Variants in FANCI observed in about 807,000 individuals in gnomAD.
FANCI encodes Fanconi anemia group I protein.
FANCI carries 156 observed loss-of-function variants against 176.1 expected under a neutral mutation model. The ratio of observed to expected loss-of-function variants is 0.89; its 90% CI spans 0.78 to 1.01. The LOEUF is 1.01. Ranked by LOEUF, FANCI falls within the 50% of genes least tolerant of loss-of-function variation. The pLI, the probability that FANCI is intolerant of heterozygous loss-of-function variation, is 0.00. For missense variants in FANCI, 1,678 were observed against 1,534.1 expected (o/e 1.09, Z -1.57); for synonymous variants, 613 against 541.7 (o/e 1.13, Z -1.83).
At chr15:89,294,787 A>T in intron 23 of FANCI, 128 bp from the exon 24 acceptor site, 1 of 895,834 alleles carries the variant, frequency 1.1e-6, no homozygotes, top group Non-Finnish European at 1.7e-6. Context: ...AGAGTCTGCC[A>T]GTCGGAACTT....
chr15:89,281,272 C>T lies in FANCI; in HGVS notation c.1484C>T (p.Thr495Ile). 2 of 1,613,870 alleles carry T rather than the reference C, an allele frequency of 1.2e-6. No homozygotes were observed. Among genetic ancestry groups the T allele is most frequent in the Non-Finnish European group, 1.7e-6 (2 of 1,179,832 alleles). ...TATTTGTCCTTTCTGCCCCTTCAGACTGTACAAAGGCTGCTTAAGGCAGTG... is the reference window on the plus strand; with the variant it reads ...TATTTGTCCTTTCTGCCCCTTCAGATTGTACAAAGGCTGCTTAAGGCAGTG... ...FDYLSFLPLQ[T>I]VQRLLKAVQP... Residue 495 changes from threonine to isoleucine, a missense_variant, in exon 15 of 38, where the codon ACT (threonine) becomes ATT (isoleucine). This residue lies in a region of FANCI where 1,204 missense variants were observed against 1,077.4 expected (regional missense o/e 1.12). Transcript: ENST00000310775.
intron 37 of FANCI, 177 bp from the exon 38 acceptor site, chr15:89,316,220 T>C (rs1330471442): frequency 1.9e-5 from 13 of 673,148 alleles, no homozygotes; most frequent in Admixed American, 1.5e-4. Flanking sequence ...CTCTACACTT[T>C]GGAGGACTCC....
chr15:89,300,056 C>G (rs1229245779), intron 25 of FANCI, 90 bp downstream of exon 25: 1 of 1,435,682 alleles, frequency 7.0e-7, no homozygotes, highest in Admixed American at 1.7e-5. Context: ...CCAGAAGACA[C>G]TTGAGAACAG....
rs146461701 is a variant in FANCI at position 89,299,281 on chromosome 15, A to C, written c.2637-519A>C. The stretch of plus-strand genomic sequence containing the variant: ...GGTTCAAACTTTTTTCACAAAACTT[A>C]AGATCTAGGTCTATTCCGTGGTAAA... On this transcript the variant is annotated intron_variant, in intron 24 of 37. Transcript: ENST00000310775. Among the ~76,000 whole-genome samples the C allele has an allele frequency of 2.6e-3, 397 of 152,322 alleles. 7 individuals are homozygous for C. The highest frequency in any genetic ancestry group is 0.015 in the East Asian group (76 of 5,190).
At chr15:89,310,386 G>A (rs994179428) in intron 34 of FANCI, among the ~76,000 whole-genome samples, 4 of 152,186 alleles carry the variant, frequency 2.6e-5, no homozygotes, top group Non-Finnish European at 5.9e-5. Flanking sequence ...AATGTTGGAA[G>A]GTTTTGATTT....
chr15:89,247,314 C>T (rs1024157667), intron 1 of FANCI, among the ~76,000 whole-genome samples: 3 of 152,058 alleles, frequency 2.0e-5, no homozygotes, highest in Non-Finnish European at 4.4e-5. Context: ...TAAATGGAAG[C>T]TTTGTTCTAG....
intron 6 of FANCI, among the ~76,000 whole-genome samples, chr15:89,262,099 G>C (rs79622975): frequency 6.6e-5 from 10 of 152,076 alleles, no homozygotes. Context: ...TTGCTTGACT[G>C]TATCTTCTTA....
chr15:89,251,233 C>T (rs183839444), intron 2 of FANCI, among the ~76,000 whole-genome samples: 238 of 152,146 alleles, frequency 1.6e-3, no homozygotes, highest in African/African-American at 4.7e-3. Flanking sequence ...TTCTTAGGCA[C>T]GTACAGTTTA....
chr15:89,258,830 G>A, intron 3 of FANCI, 54 bp downstream of exon 3: 1 of 1,361,932 alleles, frequency 7.3e-7, no homozygotes, highest in Admixed American at 1.7e-5. Flanking sequence ...TGGTAGATTT[G>A]TTTAGTTTTC....
chr15:89,305,229 G>A lies in FANCI; in HGVS notation c.3173G>A (p.Gly1058Glu). ...DLSQDIHGHL[G>E]DIDQDVEVEK... ...TCCCAGGATATCCACGGGCATCTGGGAGATATAGACCAGGTACTATAATGA... is the reference window on the plus strand; with the variant it reads ...TCCCAGGATATCCACGGGCATCTGGAAGATATAGACCAGGTACTATAATGA... Residue 1058 changes from glycine to glutamate, a missense_variant, in exon 29 of 38, where the codon GGA (glycine) becomes GAA (glutamate). Gly to Glu is a moderately conservative substitution (Grantham distance 98, BLOSUM62 -2). Coordinates refer to ENST00000310775, the MANE Select transcript of FANCI (RefSeq NM_001113378.2). 6.2e-7 allele frequency: 1 copy of A among 1,614,196 alleles called. No homozygotes were observed. The highest frequency in any genetic ancestry group is 8.5e-7 in the Non-Finnish European group (1 of 1,180,042).
intron 25 of FANCI, 103 bp downstream of exon 25, chr15:89,300,069 C>T: frequency 7.5e-7 from 1 of 1,337,640 alleles, no homozygotes; most frequent in Non-Finnish European, 1.1e-6. Flanking sequence ...GAGAACAGTC[C>T]TAATGTTGCT....
chr15:89,289,300 C>T (rs775507122), intron 18 of FANCI, among the ~76,000 whole-genome samples: 10 of 151,632 alleles, frequency 6.6e-5, no homozygotes, highest in East Asian at 1.9e-4. Flanking sequence ...CCCCTTTTTC[C>T]GTTTTCCTTT....
chr15:89,315,461 C>T, intron 37 of FANCI, 72 bp downstream of exon 37: 1 of 1,033,994 alleles, frequency 9.7e-7, no homozygotes, highest in East Asian at 2.4e-5. Context: ...GGAGCAGTCA[C>T]AGATTAGTGG....
intron 2 of FANCI, 71 bp from the exon 3 acceptor site, chr15:89,258,633 C>T: frequency 1.8e-6 from 2 of 1,130,944 alleles, no homozygotes; most frequent in Admixed American, 1.7e-5. Context: ...AGTACTTTTT[C>T]ATATTGAGTG....
intron 10 of FANCI, among the ~76,000 whole-genome samples, chr15:89,269,276 A>G (rs944108719): frequency 6.6e-6 from 1 of 152,244 alleles, no homozygotes; most frequent in African/African-American, 2.4e-5. Flanking sequence ...CATGCTAAGA[A>G]TAAGGACACA....
At chr15:89,285,458 A>C (rs930346472) in intron 18 of FANCI, among the ~76,000 whole-genome samples, 1 of 152,126 alleles carries the variant, frequency 6.6e-6, no homozygotes, top group African/African-American at 2.4e-5. Flanking sequence ...TCTTTACAAA[A>C]AATAAGAAAA....
Position 89,299,884 on chromosome 15 carries a change from G to A in FANCI, c.2721G>A (p.Leu907=), listed in dbSNP as rs369902896. The A allele has an allele frequency of 2.8e-5, 45 of 1,614,024 alleles. No individual in the cohort carries two copies. The highest frequency in any genetic ancestry group is 3.3e-4 in the Middle Eastern group (2 of 6,084). Residue 907 remains leucine, a synonymous_variant, in exon 25 of 38, where the codon CTG becomes CTA. Transcript: ENST00000310775. ...AGAAAGGAAAGAGCATCTCACTGCT[G>A]TGCTTGGAGGGTTTACAGAAAATAT... is the stretch of plus-strand genomic sequence containing the variant. The part of the protein sequence containing the change: ...KKEKGKSISL[L]CLEGLQKIFS...
rs969195085 is a variant in FANCI at position 89,287,969 on chromosome 15, A to G, written c.1822-2244A>G. 5.3e-5 allele frequency among the ~76,000 whole-genome samples: 8 copies of G among 152,238 alleles called. No individual in the cohort carries two copies. The South Asian group carries it at 1.7e-3, about 31-fold the overall frequency. On this transcript the variant is annotated intron_variant, in intron 18 of 37. Coordinates refer to ENST00000310775, the MANE Select transcript of FANCI (RefSeq NM_001113378.2). ...TACAATAATAAAGAGAAAGTTTGAA[A>G]TATTATGAGAATTACCAAAATGTGA...
intron 9 of FANCI, 49 bp from the exon 10 acceptor site, chr15:89,268,350 C>G (rs2053059826): frequency 6.2e-7 from 1 of 1,609,282 alleles, no homozygotes; most frequent in Non-Finnish European, 8.5e-7. Flanking sequence ...GCATTACAGG[C>G]ATGAGCCACT....
Sources: gnomAD v4.1 joint callset for allele counts (sites outside exome capture counted in the v4.1 genomes callset) on GRCh38, gnomAD v4.1.1 for gene constraint, gnomAD v4.1.1 regional missense constraint, MANE v1.5 for transcripts, NCBI Gene and HGNC (gene_info 2026-07-23, HGNC 2026-07-21) for gene names.